CDH9: variants seen among roughly 807,000 people sequenced by gnomAD.
CDH9 encodes cadherin-9.
In CDH9, 28 loss-of-function variants were observed where a neutral mutation model predicts 70.9. The observed-to-expected ratio is 0.40, with a 90% CI of 0.29 to 0.54. The LOEUF (loss-of-function observed/expected upper bound fraction) is 0.54, where lower values mean the gene tolerates loss of function less well. Ranked by LOEUF, CDH9 falls within the 20% of genes least tolerant of loss-of-function variation. The pLI is 0.59. For missense variants in CDH9, 874 were observed against 984.4 expected, an observed-to-expected ratio of 0.89 and a Z score of 1.50; for synonymous variants, 409 against 343.1, an observed-to-expected ratio of 1.19 and a Z score of -2.12.
chr5:26,914,029 G>T lies in CDH9; in HGVS notation c.523+1601C>A, dbSNP rs115924144. ...GAAATACTTGTTTTTTCAAAAAAGT[G>T]GGGTACTTCTTTGAAATACTTTGTG... On this transcript the variant is annotated intron_variant, in intron 3 of 11. Coordinates refer to ENST00000231021, the MANE Select transcript of CDH9 (RefSeq NM_016279.4). 5.3e-3 allele frequency among the ~76,000 whole-genome samples: 811 copies of T among 151,828 alleles called. 8 individuals are homozygous for T. Among genetic ancestry groups the T allele is most frequent in the African/African-American group, 0.019 (781 of 41,444 alleles).
chr5:26,968,096 A>G (rs1172776887), intron 2 of CDH9, among the ~76,000 whole-genome samples: 2 of 152,174 alleles, frequency 1.3e-5, no homozygotes, highest in Non-Finnish European at 2.9e-5. Flanking sequence ...TATGCTCTAC[A>G]TTATATTTGC....
At chr5:26,916,919 T>C (rs1222983444) in intron 2 of CDH9, among the ~76,000 whole-genome samples, 1 of 151,986 alleles carries the variant, frequency 6.6e-6, no homozygotes, top group Non-Finnish European at 1.5e-5. Context: ...ATATGAACTA[T>C]GTCTTAGGAA....
rs968943105 is a variant in CDH9, at chr5:26,881,575, G to C, written c.1931C>G (p.Pro644Arg). The C allele has an allele frequency of 6.2e-7, 1 of 1,612,380 alleles. No individual in the cohort carries two copies. The highest frequency in any genetic ancestry group is 1.3e-5 in the African/African-American group (1 of 74,698). The part of the protein sequence containing the change: ...AALKRQRKKE[P>R]LIISKDDVRD... ...GACATCGTCTTTTGAAATTATCAGA[G>C]GTTCCTTTTTTCTTTGCCTCTTCAA... Residue 644 changes from proline (P) to arginine (R), a missense_variant, in exon 12 of 12, where the codon CCT (proline) becomes CGT (arginine). Pro to Arg is a moderately radical substitution (Grantham distance 103). Coordinates refer to ENST00000231021, the MANE Select transcript of CDH9 (RefSeq NM_016279.4).
At chr5:26,966,334 A>G (rs1419571386) in intron 2 of CDH9, among the ~76,000 whole-genome samples, 1 of 152,156 alleles carries the variant, frequency 6.6e-6, no homozygotes, top group Non-Finnish European at 1.5e-5. Context: ...GTCTTGTTCC[A>G]AGAAGGCTCT....
intron 2 of CDH9, among the ~76,000 whole-genome samples, chr5:26,985,273 C>G (rs1742470003): frequency 6.6e-6 from 1 of 151,998 alleles, no homozygotes; most frequent in South Asian, 2.1e-4. Context: ...CTCTTCTTGT[C>G]CCTAATGGCA....
intron 2 of CDH9, among the ~76,000 whole-genome samples, chr5:26,942,012 G>A (rs1741670516): frequency 1.3e-5 from 2 of 152,026 alleles, no homozygotes; most frequent in Admixed American, 6.6e-5. Flanking sequence ...TTCCCCTCCT[G>A]TGATAACCTC....
intron 2 of CDH9, among the ~76,000 whole-genome samples, chr5:26,948,727 T>C (rs969684860): frequency 7.9e-5 from 12 of 152,216 alleles, no homozygotes; most frequent in African/African-American, 2.9e-4. Flanking sequence ...ACAGTGCTTA[T>C]TATAGTCAGA....
At chr5:26,963,133 A>G (rs1273242049) in intron 2 of CDH9, among the ~76,000 whole-genome samples, 3 of 152,222 alleles carry the variant, frequency 2.0e-5, no homozygotes, top group Admixed American at 1.3e-4. Flanking sequence ...AACTTATTAA[A>G]TCGCATTAGA....
Position 26,903,627 on chromosome 5 carries a change from G to GA in CDH9, c.999+9dup, listed in dbSNP as rs761320927. The GA allele has an allele frequency of 8.3e-6, 13 of 1,570,990 alleles. No homozygotes were observed. The highest frequency in any genetic ancestry group is 1.4e-5 in the African/African-American group (1 of 74,030). ...CACTCAATGAAAAGATGAAGACAGT[G>GA]AAAAGAAACCTGTTTGACAGTTATA... On this transcript the variant is annotated intron_variant, in intron 6 of 11. Transcript: ENST00000231021.
chr5:27,007,780 G>T (rs1388625750), intron 1 of CDH9, among the ~76,000 whole-genome samples: 1 of 151,854 alleles, frequency 6.6e-6, no homozygotes, highest in East Asian at 1.9e-4. Flanking sequence ...ACACATACAA[G>T]GTATTTAGTA....
chr5:27,006,907 T>G (rs1429823368), intron 1 of CDH9, among the ~76,000 whole-genome samples: 1 of 152,096 alleles, frequency 6.6e-6, no homozygotes. Context: ...GAGTTTTCAC[T>G]CTAGAAACAT....
intron 1 of CDH9, among the ~76,000 whole-genome samples, chr5:27,036,726 CA>C (rs1478687996): frequency 1.3e-5 from 2 of 151,642 alleles, no homozygotes; most frequent in African/African-American, 4.8e-5. Context: ...ACTTATCTTA[CA>C]TTTTTTTTCA....
At chr5:26,960,977 T>C (rs1202053026) in intron 2 of CDH9, among the ~76,000 whole-genome samples, 2 of 152,082 alleles carry the variant, frequency 1.3e-5, no homozygotes, top group Non-Finnish European at 2.9e-5. Context: ...TCCCAATTTA[T>C]GCTTTGGTAA....
At chr5:27,033,265 C>T (rs888952366) in intron 1 of CDH9, among the ~76,000 whole-genome samples, 1 of 151,198 alleles carries the variant, frequency 6.6e-6, no homozygotes, top group Non-Finnish European at 1.5e-5. Context: ...TCCAGTTACA[C>T]ATTGTAATAA....
In CDH9 at chr5:26,944,312, C is replaced by A. The variant is rs1179721310; in HGVS notation, c.229-28388G>T. Among the ~76,000 whole-genome samples the A allele has an allele frequency of 2.0e-5, 3 of 151,178 alleles. No homozygotes were observed. In the East Asian group the frequency reaches 5.8e-4, roughly 29 times the overall value. On this transcript the variant is annotated intron_variant, in intron 2 of 11. Coordinates refer to ENST00000231021, the MANE Select transcript of CDH9 (RefSeq NM_016279.4). Reference sequence around the variant, plus strand: ...TTGACTCTTTTCTATAAAGACAGTTCTATTTTGAGGAAAATCAAATGGCTT... The same window carrying A: ...TTGACTCTTTTCTATAAAGACAGTTATATTTTGAGGAAAATCAAATGGCTT...
intron 2 of CDH9, among the ~76,000 whole-genome samples, chr5:26,962,072 C>A (rs1231805580): frequency 6.6e-6 from 1 of 152,016 alleles, no homozygotes; most frequent in Non-Finnish European, 1.5e-5. Context: ...TGAGAACATG[C>A]GGTGTTTGTT....
intron 2 of CDH9, among the ~76,000 whole-genome samples, chr5:26,986,064 T>TA (rs138593252): frequency 0.47 from 71,681 of 151,378 alleles, 17,791 homozygotes; most frequent in African/African-American, 0.52. Flanking sequence ...AAGTCCCTAT[T>TA]AAAAAAAAGA....
chr5:26,890,312 C>T (rs550898616), intron 8 of CDH9, 116 bp downstream of exon 8: 2 of 789,756 alleles, frequency 2.5e-6, no homozygotes, highest in Non-Finnish European at 4.2e-6. Flanking sequence ...AGCCATTTCT[C>T]TAAGATCTTG....
chr5:27,018,488 T>C (rs1380313235), intron 1 of CDH9, among the ~76,000 whole-genome samples: 1 of 151,926 alleles, frequency 6.6e-6, no homozygotes, highest in African/African-American at 2.4e-5. Context: ...GTTCAACTTC[T>C]CTTTATGGAA....
Sources: allele counts gnomAD v4.1 joint callset (sites outside exome capture counted in the v4.1 genomes callset), GRCh38; gene constraint gnomAD v4.1.1; transcripts MANE v1.5; gene names NCBI Gene and HGNC (gene_info 2026-07-23, HGNC 2026-07-21).